The following PRKAG2 variants were observed in gnomAD, a reference collection of about 807,000 sequenced individuals.
PRKAG2 encodes protein kinase AMP-activated non-catalytic subunit gamma 2, also known as 5'-AMP-activated protein kinase subunit gamma-2.
A neutral mutation model predicts 69.6 loss-of-function variants in PRKAG2; 26 were observed. The ratio of observed to expected loss-of-function variants is 0.37; its 90% confidence interval spans 0.27 to 0.52. The LOEUF (loss-of-function observed/expected upper bound fraction) is 0.52, where lower values mean the gene tolerates loss of function less well. Among genes scored for constraint, PRKAG2 ranks in the 20% least tolerant of loss-of-function variants. The probability of loss-of-function intolerance (pLI) is 0.90; values close to 1 mark genes in which losing one functional copy is unlikely to be tolerated. For missense variants in PRKAG2, 557 were observed against 740.0 expected (o/e 0.75, Z 2.87); for synonymous variants, 293 against 285.0 (o/e 1.03, Z -0.28).
intron 7 of PRKAG2, among the ~76,000 whole-genome samples, chr7:151,575,769 TG>T (rs1458658193): frequency 6.6e-6 from 1 of 152,006 alleles, no homozygotes; most frequent in Non-Finnish European, 1.5e-5. Flanking sequence ...GTTTGTTCAT[TG>T]GGCTGGTAAA....
At chr7:151,647,505 C>T (rs1238993976) in intron 4 of PRKAG2, among the ~76,000 whole-genome samples, 4 of 152,124 alleles carry the variant, frequency 2.6e-5, no homozygotes, top group Admixed American at 6.5e-5. Flanking sequence ...ATTGTGGGCA[C>T]AAATGCTAAG....
At chr7:151,665,101 T>C (rs1830851293) in intron 4 of PRKAG2, among the ~76,000 whole-genome samples, 1 of 152,196 alleles carries the variant, frequency 6.6e-6, no homozygotes, top group Non-Finnish European at 1.5e-5. Context: ...GGATGCACCC[T>C]TCAATGGCTT....
rs550537139 is a variant in PRKAG2 at position 151,717,140 on chromosome 7, G to C, written c.467-41503C>G. Among the ~76,000 whole-genome samples the C allele has an allele frequency of 2.0e-5, 3 of 152,044 alleles. No individual in the cohort carries two copies. The South Asian group carries it at 6.3e-4, about 32-fold the overall frequency. Reference sequence around the variant, plus strand: ...CGCATGCCTGTAATCCCAGCTACTCGGAAGGTTGAGGCAGGAGAATTGCTT... The same window carrying C: ...CGCATGCCTGTAATCCCAGCTACTCCGAAGGTTGAGGCAGGAGAATTGCTT... On this transcript the variant is annotated intron_variant, in intron 3 of 15. Transcript: ENST00000287878.
chr7:151,566,364 C>T (rs1806256463), intron 11 of PRKAG2, among the ~76,000 whole-genome samples: 1 of 152,120 alleles, frequency 6.6e-6, no homozygotes, highest in South Asian at 2.1e-4. Context: ...CTAGTCCTCA[C>T]GCCACCCGCC....
At position 151,683,303 on chromosome 7, in the gene PRKAG2, T is replaced by C. The variant is rs546946092; in HGVS notation, c.467-7666A>G. Among the ~76,000 whole-genome samples, 3 of 152,256 alleles carry C rather than the reference T, an allele frequency of 2.0e-5. No individual in the cohort carries two copies. The East Asian group carries it at 5.8e-4, about 29-fold the overall frequency. On this transcript the variant is annotated intron_variant, in intron 3 of 15. Transcript: ENST00000287878. ...GGAACTGAGCCCTGCTGGAACGGAATAGCTGTGCTGGGTGGAAACAGAGGC... is the reference window on the plus strand; with the variant it reads ...GGAACTGAGCCCTGCTGGAACGGAACAGCTGTGCTGGGTGGAAACAGAGGC...
rs141982019 is a variant in PRKAG2, at chr7:151,572,126, G to A, written c.1051+538C>T. On this transcript the variant is annotated intron_variant, in intron 9 of 15. Transcript: ENST00000287878. ...GAAAAGAGTATCATGATTTTACAGG[G>A]TGAATGTCAATGTGACAATGAAGAG... Among the ~76,000 whole-genome samples, 262 of 152,300 alleles carry A rather than the reference G, an allele frequency of 1.7e-3. 1 individual carries two copies. The highest frequency in any genetic ancestry group is 6.1e-3 in the African/African-American group (252 of 41,552).
chr7:151,697,824 C>G (rs566231088), intron 3 of PRKAG2, among the ~76,000 whole-genome samples: 147 of 152,254 alleles, frequency 9.7e-4, no homozygotes, highest in African/African-American at 3.4e-3. Context: ...ACCTCATCCA[C>G]CCAGTGGCTC....
intron 3 of PRKAG2, among the ~76,000 whole-genome samples, chr7:151,779,164 G>A (rs964981831): frequency 6.6e-5 from 10 of 152,198 alleles, no homozygotes; most frequent in African/African-American, 1.4e-4. Flanking sequence ...TGAAAAGGAG[G>A]AATACTTTAA....
rs1204973143 is a variant in PRKAG2, at chr7:151,638,310, T to C, written c.685-6172A>G. ...AGAATGCCTGAGAAACATGGAGCCATCACAAGTGTGACTTCTTGGTTGGTA... is the reference window on the plus strand; with the variant it reads ...AGAATGCCTGAGAAACATGGAGCCACCACAAGTGTGACTTCTTGGTTGGTA... On this transcript the variant is annotated intron_variant, in intron 4 of 15. Transcript: ENST00000287878. This position sits in a 1 kb window ranked among gnomAD's most constrained non-coding sequence, Gnocchi z 4.3. Among the ~76,000 whole-genome samples the C allele has an allele frequency of 6.6e-6, 1 of 152,154 alleles. No homozygotes were observed. Among genetic ancestry groups the C allele is most frequent in the African/African-American group, 2.4e-5 (1 of 41,436 alleles).
chr7:151,870,911 T>C (rs745730123), intron 1 of PRKAG2, among the ~76,000 whole-genome samples: 97 of 152,348 alleles, frequency 6.4e-4, no homozygotes, highest in Non-Finnish European at 1.3e-3. Context: ...CTCCAGCGAC[T>C]GTGCAGGCTT....
chr7:151,707,230 C>T (rs948905611), intron 3 of PRKAG2, among the ~76,000 whole-genome samples: 12 of 152,204 alleles, frequency 7.9e-5, no homozygotes, highest in African/African-American at 2.2e-4. Flanking sequence ...CCAGGCTAGA[C>T]GGCATCCTGG....
intron 2 of PRKAG2, among the ~76,000 whole-genome samples, chr7:151,784,796 G>C (rs2076917384): frequency 6.6e-6 from 1 of 152,216 alleles, no homozygotes; most frequent in African/African-American, 2.4e-5. Flanking sequence ...CCAGGGATCA[G>C]GCCTGAGGAG....
At chr7:151,704,007 A>G (rs1184599514) in intron 3 of PRKAG2, among the ~76,000 whole-genome samples, 1 of 151,908 alleles carries the variant, frequency 6.6e-6, no homozygotes, top group African/African-American at 2.4e-5. Context: ...GGTTGCAGTG[A>G]GCCGAGATTG....
intron 6 of PRKAG2, among the ~76,000 whole-genome samples, chr7:151,579,117 C>T (rs913908018): frequency 1.3e-5 from 2 of 152,110 alleles, no homozygotes; most frequent in Admixed American, 6.5e-5. Context: ...CTGCCCCTGC[C>T]GGGCTCAAGT....
At chr7:151,650,583 G>T (rs1226551619) in intron 4 of PRKAG2, among the ~76,000 whole-genome samples, 1 of 152,198 alleles carries the variant, frequency 6.6e-6, no homozygotes, top group East Asian at 1.9e-4. Context: ...GAGGGTCCAT[G>T]AAACCTTTTC....
At position 151,557,116 on chromosome 7, in the gene PRKAG2, C is replaced by G. The variant is rs1197636357; in HGVS notation, c.*85G>C. ...TTAAACCCTGATATACATTCTTAAC[C>G]ACTTGCAGCCAGTGTTCATGAGGCA... is the stretch of plus-strand genomic sequence containing the variant. On this transcript the variant is annotated 3_prime_UTR_variant, in exon 16 of 16. Coordinates refer to ENST00000287878, the MANE Select transcript of PRKAG2 (RefSeq NM_016203.4). 1 of 1,592,692 alleles carries G rather than the reference C, an allele frequency of 6.3e-7. No homozygotes were observed. Among genetic ancestry groups the G allele is most frequent in the African/African-American group, 1.3e-5 (1 of 74,402 alleles).
At chr7:151,758,140 T>G (rs928453134) in intron 3 of PRKAG2, among the ~76,000 whole-genome samples, 1 of 148,172 alleles carries the variant, frequency 6.7e-6, no homozygotes, top group African/African-American at 2.5e-5. Flanking sequence ...GATTTTCAAC[T>G]CTTTTTTTTT....
chr7:151,569,959 A>G (rs936272710), intron 10 of PRKAG2, among the ~76,000 whole-genome samples: 1 of 152,174 alleles, frequency 6.6e-6, no homozygotes, highest in Non-Finnish European at 1.5e-5. Flanking sequence ...GTATGACCCT[A>G]TTACTAGACC....
chr7:151,559,528 G>A, intron 15 of PRKAG2: 1 of 982,658 alleles, frequency 1.0e-6, no homozygotes, highest in Non-Finnish European at 1.2e-6. Flanking sequence ...TGCCTGGCCT[G>A]AGGACCACCT....
Sources: gnomAD v4.1 joint callset for allele counts (sites outside exome capture counted in the v4.1 genomes callset) on GRCh38, gnomAD v4.1.1 for gene constraint, Gnocchi (gnomAD v3.1) non-coding constraint, MANE v1.5 for transcripts, NCBI Gene and HGNC (gene_info 2026-07-23, HGNC 2026-07-21) for gene names.